HMCN1: variants seen among roughly 807,000 people sequenced by gnomAD.
The protein encoded by HMCN1 is hemicentin 1, also known as hemicentin-1.
HMCN1 carries 321 observed loss-of-function variants against 625.9 expected under a neutral mutation model. The observed-to-expected ratio is 0.51, with a 90% confidence interval of 0.47 to 0.56. The LOEUF (loss-of-function observed/expected upper bound fraction) is 0.56, where lower values mean the gene tolerates loss of function less well. Ranked by LOEUF, HMCN1 falls within the 20% of genes least tolerant of loss-of-function variation. The pLI is 0.00. For synonymous variants in HMCN1, 2,425 were observed against 2,417.6 expected (o/e 1.00, Z -0.09); for missense variants, 6,588 against 6,887.3 (o/e 0.96, Z 1.54).
intron 1 of HMCN1, among the ~76,000 whole-genome samples, chr1:185,786,350 A>G (rs1657566377): frequency 6.6e-6 from 1 of 152,090 alleles, no homozygotes; most frequent in South Asian, 2.1e-4. Context: ...TTTTCCCATT[A>G]ATGTTGATTA....
intron 79 of HMCN1, 29 bp from the exon 80 acceptor site, chr1:186,119,982 C>G (rs573563157): frequency 1.2e-6 from 2 of 1,612,424 alleles, no homozygotes; most frequent in Non-Finnish European, 1.7e-6. Flanking sequence ...TTTTTTTTTC[C>G]CCACTCTGCT....
intron 1 of HMCN1, among the ~76,000 whole-genome samples, chr1:185,744,054 T>C (rs1227917851): frequency 7.3e-6 from 1 of 137,778 alleles, no homozygotes; most frequent in African/African-American, 2.6e-5. Context: ...AGTGGCGCAA[T>C]CTCGGCTCAC....
chr1:186,023,267 T>A, intron 36 of HMCN1, 114 bp downstream of exon 36: 2 of 904,212 alleles, frequency 2.2e-6, no homozygotes, highest in Non-Finnish European at 3.4e-6. Context: ...ATTTTCTTAG[T>A]CTGTATAAAA....
chr1:185,923,510 C>T lies in HMCN1; in HGVS notation c.1142C>T (p.Pro381Leu), dbSNP rs760356372. 6 of 1,612,208 alleles carry T rather than the reference C, an allele frequency of 3.7e-6. No homozygotes were observed. The Admixed American group carries it at 5.0e-5, about 13-fold the overall frequency. ...AAGACTATTCCTGTTAAATATTACC[C>T]ACATCGAAAACCTTATGGCATATGG... ...SLKTIPVKYY[P>L]HRKPYGIWNI... Residue 381 changes from proline to leucine, a missense_variant, in exon 8 of 107, where the codon CCA (proline) becomes CTA (leucine). Physicochemically the swap from Pro to Leu is moderately conservative, Grantham distance 98. Coordinates refer to ENST00000271588, the MANE Select transcript of HMCN1 (RefSeq NM_031935.3).
intron 11 of HMCN1, among the ~76,000 whole-genome samples, chr1:185,938,679 C>G (rs1389200486): frequency 6.6e-6 from 1 of 152,112 alleles, no homozygotes; most frequent in East Asian, 1.9e-4. Flanking sequence ...TAGAGTCCAA[C>G]AGCAGAAGCA....
chr1:185,735,418 G>A (rs192657259), intron 1 of HMCN1, among the ~76,000 whole-genome samples: 2 of 152,300 alleles, frequency 1.3e-5, no homozygotes, highest in East Asian at 1.9e-4. Flanking sequence ...TTATAGCAGC[G>A]AAGCTCTAGG....
Position 186,015,965 on chromosome 1 carries a change from A to G in HMCN1, c.4917A>G (p.Pro1639=). 2 of 1,613,100 alleles carry G rather than the reference A, an allele frequency of 1.2e-6. No individual in the cohort carries two copies. The highest frequency in any genetic ancestry group is 1.7e-6 in the Non-Finnish European group (2 of 1,179,186). The change falls in exon 32 of 107, where the codon CCA becomes CCG. Residue 1639 remains proline, a synonymous_variant. Transcript: ENST00000271588. ...TGCTATGTTTCTCCCTAGTTCCTCC[A>G]ATGATTGAAGGCAACTTGGCCACGC... ...KSFHVDVYVP[P]MIEGNLATPL...
intron 35 of HMCN1, among the ~76,000 whole-genome samples, chr1:186,021,603 T>C (rs1654726804): frequency 6.6e-6 from 1 of 152,042 alleles, no homozygotes; most frequent in East Asian, 1.9e-4. Flanking sequence ...TGAATATAAA[T>C]GTATGAATGT....
chr1:186,151,714 A>G lies in HMCN1; in HGVS notation c.14867A>G (p.Lys4956Arg), dbSNP rs1300189799. 2 of 1,613,630 alleles carry G rather than the reference A, an allele frequency of 1.2e-6. No homozygotes were observed. Among genetic ancestry groups the G allele is most frequent in the Non-Finnish European group, 1.7e-6 (2 of 1,179,738 alleles). Residue 4956 changes from lysine (K) to arginine (R), a missense_variant, in exon 95 of 107, where the codon AAA (lysine) becomes AGA (arginine). Lys to Arg is a conservative substitution (Grantham distance 26). This residue lies in a region of HMCN1 where 1,954 missense variants were observed against 2,013.1 expected (regional missense o/e 0.97). Transcript: ENST00000271588. Reference protein sequence around the residue: ...NGFTLTNAVFKRETQVEFATG... With the variant: ...NGFTLTNAVFRRETQVEFATG... ...TTTACCCTCACCAATGCAGTCTTCA[A>G]AAGAGAAACTCAAGTGGAATTTGCA...
At chr1:185,800,310 C>T (rs975234509) in intron 1 of HMCN1, among the ~76,000 whole-genome samples, 2 of 152,124 alleles carry the variant, frequency 1.3e-5, no homozygotes, top group Admixed American at 6.6e-5. Context: ...CTCCCTTAGA[C>T]GATCTAGTTG....
intron 30 of HMCN1, among the ~76,000 whole-genome samples, chr1:186,014,225 C>T (rs1165962775): frequency 1.3e-5 from 2 of 151,882 alleles, no homozygotes; most frequent in Non-Finnish European, 2.9e-5. Context: ...ATGAGAAAAA[C>T]ATTCTATCAA....
chr1:185,858,233 G>T (rs931634287), intron 2 of HMCN1, among the ~76,000 whole-genome samples: 3 of 152,016 alleles, frequency 2.0e-5, no homozygotes, highest in Admixed American at 2.0e-4. Context: ...GACATTTATT[G>T]AATTAACACA....
intron 1 of HMCN1, among the ~76,000 whole-genome samples, chr1:185,750,140 A>T (rs1373043971): frequency 2.0e-5 from 3 of 151,850 alleles, no homozygotes; most frequent in Non-Finnish European, 2.9e-5. Context: ...CTAAATATAA[A>T]CTCCATGAGG....
intron 36 of HMCN1, among the ~76,000 whole-genome samples, chr1:186,036,175 G>A (rs1261911339): frequency 6.6e-6 from 1 of 151,996 alleles, no homozygotes; most frequent in African/African-American, 2.4e-5. Flanking sequence ...TAACATTTTT[G>A]TGGGTTTTTA....
Position 185,950,377 on chromosome 1 carries a change from G to A in HMCN1, c.1829-12141G>A, listed in dbSNP as rs995136013. Among the ~76,000 whole-genome samples, 705 of 151,966 alleles carry A rather than the reference G, an allele frequency of 4.6e-3. 7 individuals are homozygous for A. The highest frequency in any genetic ancestry group is 0.016 in the African/African-American group (675 of 41,294). ...TAAAAGTATTAAAGCAGTGGCAGCCGCTGCACGCAGACATGAGGGCTAGGC... is the reference window on the plus strand; with the variant it reads ...TAAAAGTATTAAAGCAGTGGCAGCCACTGCACGCAGACATGAGGGCTAGGC... On this transcript the variant is annotated intron_variant, in intron 11 of 106. Transcript: ENST00000271588.
In HMCN1 at chr1:186,160,879, G is replaced by T. The variant is rs866951348; in HGVS notation, c.15257-4232G>T. Among the ~76,000 whole-genome samples, 18 of 150,836 alleles carry T rather than the reference G, an allele frequency of 1.2e-4. No homozygotes were observed. The South Asian group carries it at 3.4e-3, about 28-fold the overall frequency. On this transcript the variant is annotated intron_variant, in intron 97 of 106. Coordinates refer to ENST00000271588, the MANE Select transcript of HMCN1 (RefSeq NM_031935.3). ...TTTGGAATAGGTGTGGTGTGGTGCT[G>T]AAAAAAATGTATATTCTGTTGATTT...
chr1:186,164,126 C>G (rs892146480), intron 97 of HMCN1, among the ~76,000 whole-genome samples: 1 of 152,186 alleles, frequency 6.6e-6, no homozygotes, highest in African/African-American at 2.4e-5. Flanking sequence ...TCTGTCCCAT[C>G]TATCCTAGTA....
At chr1:185,975,755 T>C (rs548067395) in intron 15 of HMCN1, among the ~76,000 whole-genome samples, 76 of 152,314 alleles carry the variant, frequency 5.0e-4, no homozygotes, top group African/African-American at 1.8e-3. Flanking sequence ...TTTATAAAAA[T>C]ATATTGTTCA....
intron 1 of HMCN1, among the ~76,000 whole-genome samples, chr1:185,782,324 A>T (rs917631789): frequency 6.6e-6 from 1 of 152,152 alleles, no homozygotes; most frequent in Non-Finnish European, 1.5e-5. Flanking sequence ...TGTCTTTTAA[A>T]TGGAGCATTT....
Sources: gnomAD v4.1 joint callset for allele counts (sites outside exome capture counted in the v4.1 genomes callset) on GRCh38, gnomAD v4.1.1 for gene constraint, gnomAD v4.1.1 regional missense constraint, MANE v1.5 for transcripts, NCBI Gene and HGNC (gene_info 2026-07-23, HGNC 2026-07-21) for gene names.